Variants in TSG101 observed in about 807,000 individuals in gnomAD.
TSG101 encodes the protein tumor susceptibility 101.
A neutral mutation model predicts 48.5 loss-of-function variants in TSG101; 19 were observed. The ratio of observed to expected loss-of-function variants is 0.39; its 90% CI spans 0.27 to 0.58. The LOEUF is 0.58. TSG101 is among the 20% of genes least tolerant of loss of function. The pLI is 0.55. For missense variants in TSG101, 365 were observed against 484.4 expected, an observed-to-expected ratio of 0.75 and a Z score of 2.31; for synonymous variants, 174 against 169.4, an observed-to-expected ratio of 1.03 and a Z score of -0.21.
Position 18,516,182 on chromosome 11 carries a change from T to G in TSG101, c.128-18A>C. ...GTTAAAAACTGAAAGGAAAGAACAA[T>G]GATTTAATCATGAGCATTTTTTAAG... is the stretch of plus-strand genomic sequence containing the variant. On this transcript the variant is annotated intron_variant, in intron 2 of 9. Coordinates refer to ENST00000251968, the MANE Select transcript of TSG101 (RefSeq NM_006292.4). The G allele has an allele frequency of 1.9e-6, 3 of 1,611,086 alleles. No homozygotes were observed. The highest frequency in any genetic ancestry group is 2.5e-6 in the Non-Finnish European group (3 of 1,177,814).
chr11:18,492,422 A>G (rs929965736), intron 7 of TSG101, among the ~76,000 whole-genome samples: 2 of 152,254 alleles, frequency 1.3e-5, no homozygotes, highest in African/African-American at 4.8e-5. Flanking sequence ...TAAAGCTATT[A>G]TATCTGGTCT....
intron 7 of TSG101, among the ~76,000 whole-genome samples, chr11:18,498,157 G>A (rs765727428): frequency 1.3e-5 from 2 of 152,110 alleles, no homozygotes; most frequent in Non-Finnish European, 2.9e-5. Context: ...GAAATAGGCC[G>A]TGGACAAATC....
In TSG101 at chr11:18,481,752, T is replaced by C. The variant is rs1480268729; in HGVS notation, c.961A>G (p.Thr321Ala). The C allele has an allele frequency of 2.5e-6, 4 of 1,614,092 alleles. No homozygotes were observed. The highest frequency in any genetic ancestry group is 3.4e-6 in the Non-Finnish European group (4 of 1,180,044). Residue 321 changes from threonine (T) to alanine (A), a missense_variant, in exon 9 of 10, where the codon ACA becomes GCA. Transcript: ENST00000251968. The stretch of plus-strand genomic sequence containing the variant: ...AGGATCTGTTTGTATAAGGGAGCTG[T>C]GGGAATGATAACTTCATCGATATCA... ...NNDIDEVIIP[T>A]APLYKQILNL...
Position 18,523,637 on chromosome 11 carries a change from G to C in TSG101, c.42+3138C>G, listed in dbSNP as rs534269518. On this transcript the variant is annotated intron_variant, in intron 1 of 9. Coordinates refer to ENST00000251968, the MANE Select transcript of TSG101 (RefSeq NM_006292.4). ...CCTTTCTCAGCTTCCCGAGTAGCTG[G>C]GATTACAGGCGTGCGCCACCATGTC... is the stretch of plus-strand genomic sequence containing the variant. Among the ~76,000 whole-genome samples the C allele has an allele frequency of 7.9e-5, 12 of 152,152 alleles. No individual in the cohort carries two copies. In the South Asian group the frequency reaches 2.5e-3, roughly 32 times the overall value.
intron 1 of TSG101, chr11:18,525,573 A>C: frequency 2.3e-6 from 1 of 440,358 alleles, no homozygotes; most frequent in Non-Finnish European, 3.0e-6. Flanking sequence ...GAGTCATGGA[A>C]CAGATACTCT....
chr11:18,488,829 A>G (rs928135188), intron 7 of TSG101, among the ~76,000 whole-genome samples: 4 of 152,150 alleles, frequency 2.6e-5, no homozygotes, highest in Non-Finnish European at 2.9e-5. Context: ...TCAACAGTCA[A>G]AAAGGATGAT....
At chr11:18,503,372 T>A (rs1590279807) in intron 6 of TSG101, among the ~76,000 whole-genome samples, 1 of 142,030 alleles carries the variant, frequency 7.0e-6, no homozygotes, top group South Asian at 2.2e-4. Context: ...CAGGTTAAAT[T>A]TTTTTTTTTT....
At chr11:18,499,402 A>ATTTTTTTTTTTTT (rs1160424288) in intron 7 of TSG101, among the ~76,000 whole-genome samples, 3 of 5,454 alleles carry the variant, frequency 5.5e-4, no homozygotes, top group Admixed American at 6.3e-3. Flanking sequence ...ATATATATAT[A>ATTTTTTTTTTTTT]TTTTTTTTTT....
chr11:18,501,327 C>T (rs1449989833), intron 7 of TSG101, among the ~76,000 whole-genome samples: 1 of 152,160 alleles, frequency 6.6e-6, no homozygotes, highest in East Asian at 1.9e-4. Context: ...TTTCATTCTT[C>T]TGCATATGGA....
At chr11:18,485,913 G>A (rs188741673) in intron 7 of TSG101, among the ~76,000 whole-genome samples, 84 of 152,316 alleles carry the variant, frequency 5.5e-4, no homozygotes, top group African/African-American at 1.8e-3. Context: ...TGCTGGTCCC[G>A]GATGAAACCC....
chr11:18,516,422 G>T (rs1850174771), intron 2 of TSG101, among the ~76,000 whole-genome samples: 1 of 151,410 alleles, frequency 6.6e-6, no homozygotes. Context: ...TTGGCTCGCT[G>T]CAACCTCCAC....
At chr11:18,493,339 A>G (rs951319082) in intron 7 of TSG101, among the ~76,000 whole-genome samples, 12 of 152,224 alleles carry the variant, frequency 7.9e-5, no homozygotes, top group African/African-American at 2.9e-4. Context: ...GTGCACTAGT[A>G]TACACTACCT....
chr11:18,499,367 T>C (rs1398974684), intron 7 of TSG101, among the ~76,000 whole-genome samples: 1 of 85,480 alleles, frequency 1.2e-5, no homozygotes, highest in African/African-American at 4.4e-5. Context: ...TATATATAAA[T>C]ATGTTTATAT....
At chr11:18,505,865 T>C (rs1013901183) in intron 6 of TSG101, among the ~76,000 whole-genome samples, 1 of 151,998 alleles carries the variant, frequency 6.6e-6, no homozygotes, top group Non-Finnish European at 1.5e-5. Context: ...TCGCCCAGGG[T>C]GGAGTGTAAT....
intron 2 of TSG101, among the ~76,000 whole-genome samples, chr11:18,517,598 G>A (rs994917762): frequency 1.3e-5 from 2 of 152,098 alleles, no homozygotes; most frequent in African/African-American, 2.4e-5. Flanking sequence ...ACTTTTCTAC[G>A]GTTAGATACA....
chr11:18,497,347 AATAT>A (rs1444789260), intron 7 of TSG101, among the ~76,000 whole-genome samples: 2 of 152,328 alleles, frequency 1.3e-5, no homozygotes, highest in Admixed American at 6.5e-5. Context: ...GTAGAAAAAC[AATAT>A]ATATTAAAGG....
chr11:18,481,551 T>A (rs1318141496), intron 9 of TSG101, 79 bp downstream of exon 9: 8 of 1,537,078 alleles, frequency 5.2e-6, no homozygotes, highest in Admixed American at 2.2e-5. Flanking sequence ...ACAAAGAAAC[T>A]CTCTTGGTTT....
At chr11:18,485,598 T>C (rs1223149101) in intron 7 of TSG101, among the ~76,000 whole-genome samples, 1 of 152,134 alleles carries the variant, frequency 6.6e-6, no homozygotes, top group African/African-American at 2.4e-5. Flanking sequence ...AGAAGGTAAT[T>C]ATTAAAATTG....
rs530436914 is a variant in TSG101 at position 18,483,768 on chromosome 11, T to C, written c.843+102A>G. 3.3e-6 allele frequency: 4 copies of C among 1,206,612 alleles called. No homozygotes were observed. The Admixed American group carries it at 6.1e-5, about 18-fold the overall frequency. 74.7% of individuals were successfully genotyped at this position (1,206,612 alleles called of 1,614,324 possible). A position where few individuals can be genotyped will look rare whatever the true frequency, so the allele number is the denominator to read the frequency against. ...AAATGTTTAAAGATGCCTATAATTT[T>C]CTGAACTCCTACTATGCCCACAACA... On this transcript the variant is annotated intron_variant, in intron 8 of 9. Coordinates refer to ENST00000251968, the MANE Select transcript of TSG101 (RefSeq NM_006292.4).
Sources: gnomAD v4.1 joint callset for allele counts (sites outside exome capture counted in the v4.1 genomes callset) on GRCh38, gnomAD v4.1.1 for gene constraint, MANE v1.5 for transcripts, NCBI Gene and HGNC (gene_info 2026-07-23, HGNC 2026-07-21) for gene names.